Variants in EXOG observed in about 807,000 individuals in gnomAD.
EXOG encodes the protein exo/endonuclease G.
EXOG carries 27 observed loss-of-function variants against 25.8 expected under a neutral mutation model. The ratio of observed to expected loss-of-function variants is 1.05; its 90% CI spans 0.77 to 1.45. The LOEUF (loss-of-function observed/expected upper bound fraction) is 1.45. Among genes scored for constraint, EXOG ranks in the 40% most tolerant of loss-of-function variants. EXOG has a pLI of 0.00. For missense variants in EXOG, 458 were observed against 450.5 expected (o/e 1.02, Z -0.15); for synonymous variants, 133 against 167.0 (o/e 0.80, Z 1.57).
At position 38,524,494 on chromosome 3, in the gene EXOG, C is replaced by G. The variant is rs928050156; in HGVS notation, c.*132C>G. 3 of 1,404,528 alleles carry G rather than the reference C, an allele frequency of 2.1e-6. No homozygotes were observed. Among genetic ancestry groups the G allele is most frequent in the Admixed American group, 5.8e-5 (2 of 34,246 alleles). 87.0% of individuals were successfully genotyped at this position (1,404,528 alleles called of 1,614,324 possible). On this transcript the variant is annotated 3_prime_UTR_variant, in exon 6 of 6. Transcript: ENST00000287675. ...TTTAAGAGATGTGGTCTCGCCGTGT[C>G]ATCCAGGCTGGAGTGCAGTGGTGGA...
At chr3:38,505,467 T>C (rs1031674052) in intron 4 of EXOG, 3 of 152,154 alleles carry the variant, frequency 2.0e-5, no homozygotes, top group Admixed American at 2.0e-4. Flanking sequence ...TTAAAAATAA[T>C]TTAAAAAAAT....
intron 5 of EXOG, among the ~76,000 whole-genome samples, chr3:38,516,398 A>T (rs1278943705): frequency 1.3e-5 from 2 of 152,168 alleles, no homozygotes; most frequent in African/African-American, 4.8e-5. Flanking sequence ...TTTCAAATTT[A>T]TAGAAAGGTT....
intron 2 of EXOG, among the ~76,000 whole-genome samples, chr3:38,500,983 C>A (rs953925193): frequency 6.6e-6 from 1 of 152,132 alleles, no homozygotes; most frequent in African/African-American, 2.4e-5. Flanking sequence ...GTACAAAATA[C>A]AATACATGGG....
intron 4 of EXOG, 55 bp downstream of exon 4, chr3:38,503,746 G>A (rs2060117060): frequency 9.3e-7 from 1 of 1,071,626 alleles, no homozygotes; most frequent in South Asian, 1.3e-5. Context: ...TGAAGTGACA[G>A]GAGAATGTAC....
chr3:38,520,901 A>G (rs12635900), intron 5 of EXOG, among the ~76,000 whole-genome samples: 9,408 of 152,298 alleles, frequency 0.062, 455 homozygotes, highest in East Asian at 0.17. Flanking sequence ...CTGGGCTTCC[A>G]GTCCACCAAA....
rs760141544 is a variant in EXOG at position 38,497,744 on chromosome 3, G to A, written c.279G>A (p.Trp93Ter). 9 of 1,604,332 alleles carry A rather than the reference G, an allele frequency of 5.6e-6. No individual in the cohort carries two copies. In the East Asian group the frequency reaches 9.0e-5, roughly 16 times the overall value. The change falls in exon 2 of 6, where the codon TGG becomes TGA. Residue 93 changes from tryptophan (W) to a stop codon, truncating the protein, a stop_gained. Coordinates refer to ENST00000287675, the MANE Select transcript of EXOG (RefSeq NM_005107.4). LOFTEE classifies it high-confidence loss of function. ...SYDQAKRVPR[W>*]VLEHISKSKI... ...ATCAGGCAAAGCGGGTGCCTAGATG[G>A]GTTCTTGAACATATTTCCAAAAGCA...
rs374298745 is a variant in EXOG, at chr3:38,523,978, C to T, written c.723C>T (p.Thr241=). The T allele has an allele frequency of 2.9e-5, 47 of 1,613,546 alleles. No individual in the cohort carries two copies. The highest frequency in any genetic ancestry group is 1.7e-4 in the Middle Eastern group (1 of 6,050). ...VILARRSSVS[T]EPLALGAFVV... ...TGGCCCGCAGAAGCTCAGTATCTAC[C>T]GAACCACTGGCGCTAGGGGCCTTTG... Residue 241 remains threonine, a synonymous_variant, in exon 6 of 6, where the codon ACC becomes ACT. Coordinates refer to ENST00000287675, the MANE Select transcript of EXOG (RefSeq NM_005107.4).
intron 1 of EXOG, 31 bp from the exon 2 acceptor site, chr3:38,497,598 C>A (rs900144809): frequency 1.3e-6 from 2 of 1,503,454 alleles, no homozygotes; most frequent in East Asian, 2.4e-5. Context: ...TTTGTCTCTG[C>A]CCCCCCTTTT....
chr3:38,524,542 A>G lies in EXOG; in HGVS notation c.*180A>G. On this transcript the variant is annotated 3_prime_UTR_variant, in exon 6 of 6. Transcript: ENST00000287675. The stretch of plus-strand genomic sequence containing the variant: ...GGAATCATAGCTCACTATAGCCTCA[A>G]ACTTCTGGGCTTAAGCAATCCTCCT... 7.7e-7 allele frequency: 1 copy of G among 1,304,048 alleles called. No homozygotes were observed. Among genetic ancestry groups the G allele is most frequent in the Admixed American group, 3.4e-5 (1 of 29,790 alleles). The allele number at this position is 1,304,048 out of a possible 1,614,324, so 80.8% of individuals were successfully genotyped here.
At chr3:38,507,736 A>G (rs550304142) in intron 5 of EXOG, among the ~76,000 whole-genome samples, 16 of 152,170 alleles carry the variant, frequency 1.1e-4, no homozygotes, top group Non-Finnish European at 2.2e-4. Context: ...ATGAGTTAGG[A>G]CATACAAGCA....
chr3:38,508,188 T>C (rs2060261191), intron 5 of EXOG, among the ~76,000 whole-genome samples: 3 of 151,736 alleles, frequency 2.0e-5, no homozygotes, highest in Admixed American at 6.6e-5. Flanking sequence ...TTACAGTGAG[T>C]TGAATAAATG....
At chr3:38,505,039 A>T (rs1344000864) in intron 4 of EXOG, among the ~76,000 whole-genome samples, 1 of 152,232 alleles carries the variant, frequency 6.6e-6, no homozygotes, top group Non-Finnish European at 1.5e-5. Context: ...GTTTCGTTAC[A>T]TATATTTAGA....
At chr3:38,506,668 TTTTTC>T (rs2060209826) in intron 4 of EXOG, among the ~76,000 whole-genome samples, 181 bp from the exon 5 acceptor site, 1 of 152,202 alleles carries the variant, frequency 6.6e-6, no homozygotes, top group South Asian at 2.1e-4. Flanking sequence ...ATTTTTAAGT[TTTTTC>T]TGTGCAGTAA....
chr3:38,496,426 T>C lies in EXOG; in HGVS notation c.59T>C (p.Phe20Ser), dbSNP rs138226578. Residue 20 changes from phenylalanine to serine, a missense_variant, in exon 1 of 6, where the codon TTC becomes TCC. Phe to Ser is a radical substitution (Grantham distance 155). Coordinates refer to ENST00000287675, the MANE Select transcript of EXOG (RefSeq NM_005107.4). ...GGTTCCCGTCGTTTTCTGAGCGGCT[T>C]CGTGGCTGGGGCTGTAGTGGGCGCT... ...LRGSRRFLSG[F>S]VAGAVVGAAG... is the part of the protein sequence containing the mutation. The C allele has an allele frequency of 2.8e-5, 45 of 1,613,968 alleles. No individual in the cohort carries two copies. Among genetic ancestry groups the C allele is most frequent in the South Asian group, 1.1e-5 (1 of 91,080 alleles).
intron 1 of EXOG, chr3:38,497,025 C>T (rs1437294435): frequency 3.9e-6 from 4 of 1,027,110 alleles, no homozygotes; most frequent in African/African-American, 3.5e-5. Context: ...TACCTGCTAT[C>T]CCTCCAAAGT....
chr3:38,522,023 A>C (rs2060731533), intron 5 of EXOG, among the ~76,000 whole-genome samples: 1 of 152,180 alleles, frequency 6.6e-6, no homozygotes, highest in Admixed American at 6.5e-5. Context: ...CAGCTGCATA[A>C]ATGAATTTTT....
chr3:38,497,767 G>A lies in EXOG; in HGVS notation c.302G>A (p.Ser101Asn). The A allele has an allele frequency of 1.9e-6, 3 of 1,596,768 alleles. No homozygotes were observed. The highest frequency in any genetic ancestry group is 2.6e-6 in the Non-Finnish European group (3 of 1,175,772). ...TGGGTTCTTGAACATATTTCCAAAA[G>A]CAAGATAATGGGTAGGTGGTTGGAT... ...PRWVLEHISKSKIMGDADRKH... is the reference protein window; with the variant it reads ...PRWVLEHISKNKIMGDADRKH... Residue 101 changes from serine (S) to asparagine (N), a missense_variant, in exon 2 of 6, where the codon AGC (serine) becomes AAC (asparagine). Physicochemically the swap from Ser to Asn is conservative, Grantham distance 46. Coordinates refer to ENST00000287675, the MANE Select transcript of EXOG (RefSeq NM_005107.4).
chr3:38,499,935 G>T (rs570880724), intron 2 of EXOG, among the ~76,000 whole-genome samples: 3 of 152,292 alleles, frequency 2.0e-5, no homozygotes, highest in Admixed American at 1.3e-4. Context: ...ATTATGGGGT[G>T]AGGAGGATTG....
At chr3:38,499,716 T>C in intron 2 of EXOG, 1 of 454,670 alleles carries the variant, frequency 2.2e-6, no homozygotes, top group Non-Finnish European at 4.4e-6. Context: ...GTGACCCTCC[T>C]GCCTCAGCCT....
Sources: gnomAD v4.1 joint callset for allele counts (sites outside exome capture counted in the v4.1 genomes callset) on GRCh38, gnomAD v4.1.1 for gene constraint, MANE v1.5 for transcripts, NCBI Gene and HGNC (gene_info 2026-07-23, HGNC 2026-07-21) for gene names.